The following LRBA variants were observed in gnomAD, a reference collection of about 807,000 sequenced individuals.
LRBA encodes lipopolysaccharide-responsive and beige-like anchor protein.
Under a neutral mutation model 330.0 loss-of-function variants are expected in LRBA, and 176 were observed. The observed-to-expected ratio is 0.53, with a 90% CI of 0.47 to 0.60. The LOEUF (loss-of-function observed/expected upper bound fraction) is 0.60. LRBA is among the 20% of genes least tolerant of loss of function. The pLI, the probability that LRBA is intolerant of heterozygous loss-of-function variation, is 0.00. For missense variants in LRBA, 3,259 were observed against 3,444.8 expected (o/e 0.95, Z 1.35); for synonymous variants, 1,230 against 1,193.0 (o/e 1.03, Z -0.64).
intron 37 of LRBA, among the ~76,000 whole-genome samples, chr4:150,638,539 T>C (rs938420070): frequency 1.4e-4 from 22 of 152,178 alleles, no homozygotes; most frequent in Middle Eastern, 3.4e-3. Context: ...TAAGAACACA[T>C]AAGGACATGA....
chr4:150,514,633 C>T (rs1486900205), intron 40 of LRBA, among the ~76,000 whole-genome samples: 1 of 152,056 alleles, frequency 6.6e-6, no homozygotes, highest in Non-Finnish European at 1.5e-5. Context: ...CTCCCTTGTA[C>T]TCAAACCTCA....
At chr4:150,819,746 T>C (rs568170482) in intron 30 of LRBA, among the ~76,000 whole-genome samples, 56 of 152,232 alleles carry the variant, frequency 3.7e-4, no homozygotes, top group Non-Finnish European at 7.1e-4. Flanking sequence ...ACATAGCTAA[T>C]TAAACACAAC....
At chr4:150,561,326 C>T (rs2152270754) in intron 40 of LRBA, among the ~76,000 whole-genome samples, 1 of 152,242 alleles carries the variant, frequency 6.6e-6, no homozygotes, top group East Asian at 1.9e-4. Context: ...CAGAATGATG[C>T]TCCCTCCCAA....
At chr4:150,834,564 A>G (rs1011569788) in intron 28 of LRBA, among the ~76,000 whole-genome samples, 26 of 152,204 alleles carry the variant, frequency 1.7e-4, no homozygotes, top group Admixed American at 1.6e-3. Context: ...TAAAACATTC[A>G]GTAAGCCATG....
At chr4:150,536,554 C>G (rs1727078199) in intron 40 of LRBA, among the ~76,000 whole-genome samples, 1 of 152,122 alleles carries the variant, frequency 6.6e-6, no homozygotes, top group Non-Finnish European at 1.5e-5. Context: ...TCTGTCCACT[C>G]TGCAAAAAGT....
intron 40 of LRBA, among the ~76,000 whole-genome samples, chr4:150,555,756 A>AACACACACAC (rs34497958): frequency 0.011 from 1,660 of 144,678 alleles, 13 homozygotes; most frequent in Non-Finnish European, 0.016. Context: ...GTCTTATAAA[A>AACACACACAC]ACACACACAC....
chr4:150,636,519 G>A (rs1435026038), intron 37 of LRBA, among the ~76,000 whole-genome samples: 1 of 152,148 alleles, frequency 6.6e-6, no homozygotes, highest in Non-Finnish European at 1.5e-5. Context: ...CACAGTCCTG[G>A]AAGTAGCCAT....
At chr4:150,624,396 C>T (rs1302906828) in intron 37 of LRBA, among the ~76,000 whole-genome samples, 1 of 151,832 alleles carries the variant, frequency 6.6e-6, no homozygotes, top group Non-Finnish European at 1.5e-5. Context: ...AAAATAAAAT[C>T]CCCACAAACA....
Position 150,728,422 on chromosome 4 carries a change from T to C in LRBA, c.5754+6836A>G, listed in dbSNP as rs551584755. ...GAAAACTATAGGCCAATCTCACTGGTGAATATTGATGCAAAAATCCTCAAG... is the reference window on the plus strand; with the variant it reads ...GAAAACTATAGGCCAATCTCACTGGCGAATATTGATGCAAAAATCCTCAAG... On this transcript the variant is annotated intron_variant, in intron 36 of 56. Transcript: ENST00000651943. 2.0e-5 allele frequency among the ~76,000 whole-genome samples: 3 copies of C among 152,142 alleles called. No individual in the cohort carries two copies. In the South Asian group the frequency reaches 6.2e-4, roughly 32 times the overall value.
chr4:150,481,669 T>C (rs957950663), intron 42 of LRBA, among the ~76,000 whole-genome samples: 1 of 152,124 alleles, frequency 6.6e-6, no homozygotes, highest in African/African-American at 2.4e-5. Context: ...CCTATGGCTA[T>C]GATGTATGGA....
intron 2 of LRBA, among the ~76,000 whole-genome samples, chr4:150,947,309 C>T (rs977858002): frequency 1.3e-5 from 2 of 150,574 alleles, no homozygotes; most frequent in Non-Finnish European, 3.0e-5. Context: ...AAGTAGAATT[C>T]GGCAATAAAT....
intron 37 of LRBA, among the ~76,000 whole-genome samples, chr4:150,654,670 T>C (rs1040598074): frequency 1.3e-5 from 2 of 152,158 alleles, no homozygotes; most frequent in African/African-American, 2.4e-5. Context: ...ATTAGGTATA[T>C]CTCCTAATGC....
intron 37 of LRBA, among the ~76,000 whole-genome samples, chr4:150,662,076 C>T (rs763061193): frequency 6.6e-6 from 1 of 152,104 alleles, no homozygotes; most frequent in South Asian, 2.1e-4. Flanking sequence ...TCTGTAACTA[C>T]AAGAGCAAGT....
intron 44 of LRBA, among the ~76,000 whole-genome samples, chr4:150,455,493 G>A (rs1753949165): frequency 6.6e-6 from 1 of 151,918 alleles, no homozygotes; most frequent in Admixed American, 6.6e-5. Flanking sequence ...GGACATGGAT[G>A]AAATTGGAAA....
intron 37 of LRBA, among the ~76,000 whole-genome samples, chr4:150,633,472 C>T (rs1237945875): frequency 3.9e-5 from 6 of 152,070 alleles, no homozygotes; most frequent in Non-Finnish European, 8.8e-5. Flanking sequence ...TGAATAAATC[C>T]ATCTCAATTT....
intron 44 of LRBA, among the ~76,000 whole-genome samples, chr4:150,444,712 T>G (rs1182112313): frequency 1.3e-5 from 2 of 152,190 alleles, no homozygotes; most frequent in African/African-American, 4.8e-5. Context: ...AAACACATCT[T>G]CTTACAAGTG....
At position 150,396,311 on chromosome 4, in the gene LRBA, C is replaced by G. The variant is rs75406067; in HGVS notation, c.7194+19127G>C. On this transcript the variant is annotated intron_variant, in intron 47 of 56. Transcript: ENST00000651943. Reference sequence around the variant, plus strand: ...AGTGCCCTACTCCTGGGAATTTAGGCCTTTGGCATCAGACTGGGAGTTACA... The same window carrying G: ...AGTGCCCTACTCCTGGGAATTTAGGGCTTTGGCATCAGACTGGGAGTTACA... Among the ~76,000 whole-genome samples, 397 of 152,242 alleles carry G rather than the reference C, an allele frequency of 2.6e-3. 19 individuals are homozygous for G. In the East Asian group the frequency reaches 0.066, roughly 25 times the overall value.
chr4:150,851,870 A>G lies in LRBA; in HGVS notation c.3825+15T>C, dbSNP rs74366731. The G allele has an allele frequency of 6.3e-7, 1 of 1,582,780 alleles. No homozygotes were observed. The highest frequency in any genetic ancestry group is 8.6e-7 in the Non-Finnish European group (1 of 1,165,576). ...CAGTGCAAAAGTACTTGAATAAGAC[A>G]ATATATAAAATCACCTCAAGCACAT... On this transcript the variant is annotated intron_variant, in intron 23 of 56. Transcript: ENST00000651943.
At chr4:150,382,630 A>C (rs900723772) in intron 47 of LRBA, among the ~76,000 whole-genome samples, 1 of 152,008 alleles carries the variant, frequency 6.6e-6, no homozygotes, top group Non-Finnish European at 1.5e-5. Context: ...TTCAAAAAAA[A>C]AAAAAAAGAA....
Sources: allele counts gnomAD v4.1 joint callset (sites outside exome capture counted in the v4.1 genomes callset), GRCh38; gene constraint gnomAD v4.1.1; transcripts MANE v1.5; gene names NCBI Gene and HGNC (gene_info 2026-07-23, HGNC 2026-07-21).